The following CDK13 variants were observed in gnomAD, a reference collection of about 807,000 sequenced individuals.
The protein encoded by CDK13 is cyclin-dependent kinase 13.
Under a neutral mutation model 137.6 loss-of-function variants are expected in CDK13, and 40 were observed. The ratio of observed to expected loss-of-function variants is 0.29; its 90% CI spans 0.23 to 0.38. The LOEUF (loss-of-function observed/expected upper bound fraction) is 0.38. CDK13 is among the 10% of genes least tolerant of loss of function. The probability of loss-of-function intolerance (pLI) is 1.00; values close to 1 mark genes in which losing one functional copy is unlikely to be tolerated. For synonymous variants in CDK13, 869 were observed against 760.1 expected (o/e 1.14, Z -2.36); for missense variants, 1,704 against 1,951.8 (o/e 0.87, Z 2.39).
In CDK13 at chr7:39,951,805, C is replaced by T. The variant is rs2116073211; in HGVS notation, c.1164C>T (p.Ser388=). 1.4e-6 allele frequency: 2 copies of T among 1,455,912 alleles called. No individual in the cohort carries two copies. The highest frequency in any genetic ancestry group is 1.5e-5 in the African/African-American group (1 of 68,200). 90.2% of individuals were successfully genotyped at this position (1,455,912 alleles called of 1,614,324 possible). A position where few individuals can be genotyped will look rare whatever the true frequency, so the allele number is the denominator to read the frequency against. Residue 388 remains serine, a synonymous_variant, in exon 1 of 14, where the codon AGC becomes AGT. Transcript: ENST00000181839. The part of the protein sequence containing the change: ...RGGDVSPSPY[S]SSSWRRSRSP... Reference sequence around the variant, plus strand: ...GCGACGTGTCCCCTAGTCCCTACAGCAGCAGCAGCTGGCGCCGCTCTCGCA... The same window carrying T: ...GCGACGTGTCCCCTAGTCCCTACAGTAGCAGCAGCTGGCGCCGCTCTCGCA...
chr7:40,045,091 C>T (rs976262072), intron 5 of CDK13, among the ~76,000 whole-genome samples: 4 of 152,098 alleles, frequency 2.6e-5, no homozygotes, highest in African/African-American at 9.7e-5. Context: ...AGGAACTTAT[C>T]TGAACCAAGT....
intron 13 of CDK13, 136 bp from the exon 14 acceptor site, chr7:40,093,994 G>T: frequency 4.2e-6 from 4 of 959,726 alleles, no homozygotes; most frequent in African/African-American, 3.4e-5. Context: ...TAAACTTTTT[G>T]CTTTTTTCAT....
chr7:40,080,836 A>G (rs138482075), intron 11 of CDK13, among the ~76,000 whole-genome samples: 165 of 152,302 alleles, frequency 1.1e-3, no homozygotes, highest in African/African-American at 3.5e-3. Flanking sequence ...GTTGGATATC[A>G]TGTTGTGGAG....
At chr7:40,086,924 C>T (rs1318324584) in intron 11 of CDK13, among the ~76,000 whole-genome samples, 1 of 151,538 alleles carries the variant, frequency 6.6e-6, no homozygotes, top group African/African-American at 2.4e-5. Context: ...GCCATCCTCC[C>T]ACCTCAGCTT....
At chr7:40,004,066 G>A (rs1784749268) in intron 5 of CDK13, among the ~76,000 whole-genome samples, 1 of 152,120 alleles carries the variant, frequency 6.6e-6, no homozygotes, top group African/African-American at 2.4e-5. Context: ...TAGCTCAGTG[G>A]CTGGACCATA....
intron 9 of CDK13, among the ~76,000 whole-genome samples, chr7:40,074,546 TA>T (rs1211309330): frequency 7.2e-6 from 1 of 139,188 alleles, no homozygotes; most frequent in Non-Finnish European, 1.5e-5. Flanking sequence ...AAAAAGAAAG[TA>T]AATATAATGG....
chr7:39,980,458 T>C (rs963557365), intron 1 of CDK13, among the ~76,000 whole-genome samples: 2 of 152,208 alleles, frequency 1.3e-5, no homozygotes, highest in Admixed American at 1.3e-4. Flanking sequence ...TAACGTTACA[T>C]GACAAAATAC....
At position 39,951,013 on chromosome 7, in the gene CDK13, C is replaced by G. The variant is rs1430680739; in HGVS notation, c.372C>G (p.Pro124=). Reference sequence around the variant, plus strand: ...AGAAGCGTCGGGTCTTCTCGCTGCCCCAGCCGCAGCAGGACGGCGGTGGCG... The same window carrying G: ...AGAAGCGTCGGGTCTTCTCGCTGCCGCAGCCGCAGCAGGACGGCGGTGGCG... ...EAEKRRVFSL[P]QPQQDGGGGA... The change falls in exon 1 of 14, where the codon CCC becomes CCG. Residue 124 remains proline, a synonymous_variant. Transcript: ENST00000181839. 27 of 1,302,436 alleles carry G rather than the reference C, an allele frequency of 2.1e-5. No homozygotes were observed. The East Asian group carries it at 7.2e-4, about 35-fold the overall frequency. The allele number at this position is 1,302,436 out of a possible 1,614,324, so 80.7% of individuals were successfully genotyped here.
chr7:40,064,670 A>G (rs1356813823), intron 9 of CDK13, among the ~76,000 whole-genome samples: 4 of 152,082 alleles, frequency 2.6e-5, no homozygotes, highest in Admixed American at 2.6e-4. Flanking sequence ...GAAGCCAGAA[A>G]CTAGTAGTGC....
chr7:40,053,742 A>T (rs1342093984), intron 7 of CDK13, among the ~76,000 whole-genome samples: 1 of 150,982 alleles, frequency 6.6e-6, no homozygotes, highest in Non-Finnish European at 1.5e-5. Flanking sequence ...TATAATTTAT[A>T]TTACCACCAT....
intron 7 of CDK13, among the ~76,000 whole-genome samples, chr7:40,055,111 T>TA (rs1259818041): frequency 2.6e-5 from 4 of 151,946 alleles, no homozygotes; most frequent in African/African-American, 9.7e-5. Flanking sequence ...AATAACAACT[T>TA]ATTGAAGTTA....
At chr7:40,069,363 G>A (rs1786360222) in intron 9 of CDK13, 1 of 454,494 alleles carries the variant, frequency 2.2e-6, no homozygotes, top group East Asian at 6.9e-5. Flanking sequence ...TGAGGCAACG[G>A]AGTATACCGA....
At position 40,096,437 on chromosome 7, in the gene CDK13, A is replaced by G. The variant is rs1167273504; in HGVS notation, c.*1457A>G. The G allele has an allele frequency of 1.3e-5, 2 of 152,228 alleles. No individual in the cohort carries two copies. The highest frequency in any genetic ancestry group is 2.4e-5 in the African/African-American group (1 of 41,462). The allele number at this position is 152,228 out of a possible 1,614,324, so 9.4% of individuals were successfully genotyped here. A position where few individuals can be genotyped will look rare whatever the true frequency, so the allele number is the denominator to read the frequency against. ...TCTCACTGTGTGCACACTCTCACAC[A>G]TACACACACAATTATACTAATTCTA... is the stretch of plus-strand genomic sequence containing the variant. On this transcript the variant is annotated 3_prime_UTR_variant, in exon 14 of 14. Coordinates refer to ENST00000181839, the MANE Select transcript of CDK13 (RefSeq NM_003718.5).
In CDK13 at chr7:39,951,509, C is replaced by T; in HGVS notation, c.868C>T (p.Pro290Ser). ...CCGGACTAAGTCGTCCAAGGAGCCG[C>T]CTTCGGCCTACAAGGAACCGCCCAA... ...RSRTKSSKEPPSAYKEPPKAY... is the reference protein window; with the variant it reads ...RSRTKSSKEPSSAYKEPPKAY... The change falls in exon 1 of 14, where the codon CCT becomes TCT. Residue 290 changes from proline to serine, a missense_variant. Transcript: ENST00000181839. The T allele has an allele frequency of 1.3e-6, 2 of 1,535,234 alleles. No individual in the cohort carries two copies. The highest frequency in any genetic ancestry group is 1.7e-6 in the Non-Finnish European group (2 of 1,142,886).
At chr7:40,002,703 A>T (rs1294629508) in intron 5 of CDK13, among the ~76,000 whole-genome samples, 1 of 152,118 alleles carries the variant, frequency 6.6e-6, no homozygotes, top group African/African-American at 2.4e-5. Flanking sequence ...AATCTTTATG[A>T]GATTTTAGAA....
intron 11 of CDK13, among the ~76,000 whole-genome samples, chr7:40,079,280 G>C (rs879720504): frequency 6.6e-6 from 1 of 151,786 alleles, no homozygotes; most frequent in Non-Finnish European, 1.5e-5. Flanking sequence ...TTAGCCAGAC[G>C]TGGTGGCAGG....
chr7:40,092,636 A>G (rs1242734016), intron 12 of CDK13, 149 bp from the exon 13 acceptor site: 13 of 613,168 alleles, frequency 2.1e-5, no homozygotes. Context: ...CATGATATTT[A>G]ACTAGACTTG....
intron 1 of CDK13, among the ~76,000 whole-genome samples, chr7:39,957,674 G>A (rs1787460663): frequency 6.6e-6 from 1 of 152,200 alleles, no homozygotes; most frequent in Non-Finnish European, 1.5e-5. Flanking sequence ...ACTTTAGTGT[G>A]AATGGAATAA....
At chr7:39,957,389 T>C (rs1383188782) in intron 1 of CDK13, among the ~76,000 whole-genome samples, 1 of 148,812 alleles carries the variant, frequency 6.7e-6, no homozygotes, top group Admixed American at 6.7e-5. Flanking sequence ...GCTGGCTGCC[T>C]TTGTGTTTTC....
Sources: allele counts gnomAD v4.1 joint callset (sites outside exome capture counted in the v4.1 genomes callset), GRCh38; gene constraint gnomAD v4.1.1; transcripts MANE v1.5; gene names NCBI Gene and HGNC (gene_info 2026-07-23, HGNC 2026-07-21).